The following IL33 variants were observed in gnomAD, a reference collection of about 807,000 sequenced individuals.
IL33 encodes the protein interleukin 33, also known as interleukin-33.
A neutral mutation model predicts 27.3 loss-of-function variants in IL33; 37 were observed. The ratio of observed to expected loss-of-function variants is 1.36; its 90% CI spans 1.04 to 1.78. The LOEUF is 1.78. Among genes scored for constraint, IL33 ranks in the 40% most tolerant of loss-of-function variants. The pLI is 0.00. For synonymous variants in IL33, 132 were observed against 102.9 expected, an observed-to-expected ratio of 1.28 and a Z score of -1.71; for missense variants, 406 against 311.4, an observed-to-expected ratio of 1.30 and a Z score of -2.29.
intron 1 of IL33, among the ~76,000 whole-genome samples, chr9:6,224,971 C>G (rs10815377): frequency 0.34 from 51,846 of 151,554 alleles, 10,332 homozygotes; most frequent in African/African-American, 0.55. Flanking sequence ...ACCTGCCTTT[C>G]CCCTGTGTAT....
chr9:6,254,391 G>T (rs963898546), intron 6 of IL33, 71 bp from the exon 7 acceptor site: 1 of 919,804 alleles, frequency 1.1e-6, no homozygotes, highest in Non-Finnish European at 1.6e-6. Flanking sequence ...TTTTTCCTGG[G>T]TGTTGAATTC....
At chr9:6,222,945 A>G (rs2130109725) in intron 1 of IL33, among the ~76,000 whole-genome samples, 1 of 152,250 alleles carries the variant, frequency 6.6e-6, no homozygotes, top group East Asian at 1.9e-4. Flanking sequence ...ATACACATAA[A>G]CTAATATGTG....
chr9:6,230,103 C>T (rs1001094414), intron 1 of IL33, among the ~76,000 whole-genome samples: 29 of 152,106 alleles, frequency 1.9e-4, no homozygotes, highest in African/African-American at 7.0e-4. Flanking sequence ...GTTGATGGGG[C>T]AGGTAGTGCC....
intron 1 of IL33, among the ~76,000 whole-genome samples, chr9:6,218,677 T>TATATATATCCCC (rs1357486476): frequency 1.1e-3 from 142 of 131,694 alleles, no homozygotes; most frequent in African/African-American, 4.0e-3. Flanking sequence ...TATATCCCCA[T>TATATATATCCCC]ATATATATGT....
intron 1 of IL33, among the ~76,000 whole-genome samples, chr9:6,232,473 T>G (rs1184041351): frequency 6.6e-6 from 1 of 152,224 alleles, no homozygotes; most frequent in Non-Finnish European, 1.5e-5. Flanking sequence ...TTTAAATGTA[T>G]GTCATTTCCT....
intron 6 of IL33, among the ~76,000 whole-genome samples, chr9:6,254,093 T>G (rs1421594509): frequency 9.2e-5 from 14 of 152,210 alleles, no homozygotes; most frequent in Admixed American, 9.2e-4. Context: ...GTTGTATTAC[T>G]ACACTTAGCC....
Position 6,256,209 on chromosome 9 carries a change from C to A in IL33, c.*41C>A. The A allele has an allele frequency of 1.4e-6, 2 of 1,395,958 alleles. No homozygotes were observed. Among genetic ancestry groups the A allele is most frequent in the Non-Finnish European group, 2.0e-6 (2 of 985,136 alleles). 86.5% of individuals were successfully genotyped at this position (1,395,958 alleles called of 1,614,324 possible). ...GAGTCTTGGGTTGAGTACCCAAATG[C>A]TACCACTGGAGAAGGAATGAGAGAT... is the stretch of plus-strand genomic sequence containing the variant. On this transcript the variant is annotated 3_prime_UTR_variant, in exon 8 of 8. Coordinates refer to ENST00000682010, the MANE Select transcript of IL33 (RefSeq NM_033439.4).
chr9:6,228,459 T>C (rs1188802822), intron 1 of IL33, among the ~76,000 whole-genome samples: 1 of 152,120 alleles, frequency 6.6e-6, no homozygotes, highest in Admixed American at 6.6e-5. Flanking sequence ...AAGAAGAAAA[T>C]GATCTCAACT....
chr9:6,257,083 A>G lies in IL33; in HGVS notation c.*915A>G, dbSNP rs1040786998. The G allele has an allele frequency of 6.6e-6, 1 of 152,062 alleles. No homozygotes were observed. The highest frequency in any genetic ancestry group is 1.5e-5 in the Non-Finnish European group (1 of 67,996). The allele number at this position is 152,062 out of a possible 1,614,324, so 9.4% of individuals were successfully genotyped here. A position where few individuals can be genotyped will look rare whatever the true frequency, so the allele number is the denominator to read the frequency against. Reference sequence around the variant, plus strand: ...GGTAAGGCCAGAAATCTTCTAACCTACCAGAGCCTAGATGAGACACCGAAT... The same window carrying G: ...GGTAAGGCCAGAAATCTTCTAACCTGCCAGAGCCTAGATGAGACACCGAAT... On this transcript the variant is annotated 3_prime_UTR_variant, in exon 8 of 8. Coordinates refer to ENST00000682010, the MANE Select transcript of IL33 (RefSeq NM_033439.4).
chr9:6,237,384 T>C (rs1289417639), intron 1 of IL33, among the ~76,000 whole-genome samples: 1 of 152,252 alleles, frequency 6.6e-6, no homozygotes, highest in Non-Finnish European at 1.5e-5. Flanking sequence ...TTCCTGACTA[T>C]GCTTTTGACT....
chr9:6,230,650 C>T (rs1818883371), intron 1 of IL33, among the ~76,000 whole-genome samples: 1 of 152,228 alleles, frequency 6.6e-6, no homozygotes, highest in South Asian at 2.1e-4. Flanking sequence ...TCCCCATTTC[C>T]TCTCCTTATC....
At chr9:6,219,924 T>C (rs1818338955) in intron 1 of IL33, among the ~76,000 whole-genome samples, 2 of 152,272 alleles carry the variant, frequency 1.3e-5, no homozygotes, top group African/African-American at 2.4e-5. Flanking sequence ...CAGGTCCCAT[T>C]AAGAAAAAAG....
At chr9:6,229,169 T>C (rs1818804820) in intron 1 of IL33, among the ~76,000 whole-genome samples, 1 of 152,118 alleles carries the variant, frequency 6.6e-6, no homozygotes, top group Non-Finnish European at 1.5e-5. Context: ...AATGCTGGCT[T>C]TCACATACCC....
intron 2 of IL33, chr9:6,242,144 G>A (rs188906669): frequency 5.7e-5 from 9 of 159,034 alleles, no homozygotes; most frequent in African/African-American, 2.2e-4. Context: ...TTTTAAGCAG[G>A]TCCACTTTTA....
At chr9:6,254,780 G>A (rs1816632470) in intron 7 of IL33, among the ~76,000 whole-genome samples, 2 of 152,096 alleles carry the variant, frequency 1.3e-5, no homozygotes, top group Non-Finnish European at 2.9e-5. Context: ...CTCTCTGCCA[G>A]CAGCAGAGCA....
At chr9:6,239,717 C>A (rs542765211) in intron 1 of IL33, among the ~76,000 whole-genome samples, 10 of 152,166 alleles carry the variant, frequency 6.6e-5, no homozygotes, top group African/African-American at 2.4e-4. Context: ...CCAAGAACTC[C>A]GGGTGGCATC....
At position 6,232,399 on chromosome 9, in the gene IL33, TTTAAA is replaced by T. The variant is rs574352517; in HGVS notation, c.-11-9281_-11-9277del. Among the ~76,000 whole-genome samples the T allele has an allele frequency of 5.5e-3, 844 of 152,360 alleles. 3 individuals carry two copies. The highest frequency in any genetic ancestry group is 0.051 in the Middle Eastern group (15 of 294). On this transcript the variant is annotated intron_variant, in intron 1 of 7. Transcript: ENST00000682010. ...TGAATGACCAACTAATAAATTTCTA[TTTAAA>T]TTATTTTATTTAATTATTATTTCTT...
chr9:6,249,250 T>C (rs1026257485), intron 2 of IL33, among the ~76,000 whole-genome samples: 2 of 152,210 alleles, frequency 1.3e-5, no homozygotes, highest in African/African-American at 4.8e-5. Context: ...TAAAAGCTTT[T>C]CCACTTATCT....
In IL33 at chr9:6,231,144, C is replaced by T. The variant is rs1017580153; in HGVS notation, c.-11-10540C>T. On this transcript the variant is annotated intron_variant, in intron 1 of 7. Coordinates refer to ENST00000682010, the MANE Select transcript of IL33 (RefSeq NM_033439.4). ...GTCTCATCCCTTCCCTCTTATTGCC[C>T]TCCATCTGTTTCTCACATGATAGTC... Among the ~76,000 whole-genome samples, 5 of 152,290 alleles carry T rather than the reference C, an allele frequency of 3.3e-5. No individual in the cohort carries two copies. The East Asian group carries it at 5.8e-4, about 18-fold the overall frequency.
Sources: gnomAD v4.1 joint callset for allele counts (sites outside exome capture counted in the v4.1 genomes callset) on GRCh38, gnomAD v4.1.1 for gene constraint, MANE v1.5 for transcripts, NCBI Gene and HGNC (gene_info 2026-07-23, HGNC 2026-07-21) for gene names.